USP6: variants seen among roughly 807,000 people sequenced by gnomAD.
The protein encoded by USP6 is ubiquitin carboxyl-terminal hydrolase 6.
Under a neutral mutation model 175.7 loss-of-function variants are expected in USP6, and 128 were observed. The ratio of observed to expected loss-of-function variants is 0.73; its 90% CI spans 0.63 to 0.84. USP6 has a LOEUF of 0.84. Among genes scored for constraint, USP6 ranks in the 40% least tolerant of loss-of-function variants. The pLI is 0.00. For synonymous variants in USP6, 562 were observed against 630.6 expected (o/e 0.89, Z 1.63); for missense variants, 1,498 against 1,760.3 (o/e 0.85, Z 2.67).
chr17:5,138,864 G>A (rs545546220), intron 21 of USP6: 152 of 674,334 alleles, frequency 2.3e-4, no homozygotes, highest in Non-Finnish European at 2.9e-4. Flanking sequence ...ACCCACGTCC[G>A]GGCCCAGTCA....
At chr17:5,130,321 G>A (rs372335722) in intron 9 of USP6, 46 bp from the exon 10 acceptor site, 41 of 1,604,466 alleles carry the variant, frequency 2.6e-5, no homozygotes, top group Non-Finnish European at 3.1e-5. Flanking sequence ...GGTGTTCTCC[G>A]AAGCTGTCGG....
intron 37 of USP6, among the ~76,000 whole-genome samples, chr17:5,171,973 G>A (rs1463187596): frequency 4.6e-5 from 7 of 151,868 alleles, no homozygotes; most frequent in Non-Finnish European, 2.9e-5. Context: ...TCAGGAGTTC[G>A]AGACCAGACT....
At chr17:5,168,672 T>C (rs369373513) in intron 34 of USP6, 95 bp from the exon 35 acceptor site, 3 of 1,435,642 alleles carry the variant, frequency 2.1e-6, no homozygotes, top group South Asian at 2.8e-5. Context: ...GTTATATATT[T>C]CCAAACATTC....
intron 33 of USP6, among the ~76,000 whole-genome samples, chr17:5,166,647 C>CT (rs972831045): frequency 3.9e-5 from 6 of 152,158 alleles, no homozygotes; most frequent in African/African-American, 1.4e-4. Context: ...TGTGTGAAGT[C>CT]TTAACGGTAG....
intron 31 of USP6, among the ~76,000 whole-genome samples, chr17:5,157,182 T>C (rs950297441): frequency 6.6e-6 from 1 of 151,966 alleles, no homozygotes; most frequent in Non-Finnish European, 1.5e-5. Flanking sequence ...ACCTCCCGGG[T>C]TCAAGTGATT....
At chr17:5,147,347 G>T (rs1166014588) in intron 29 of USP6, among the ~76,000 whole-genome samples, 153 bp downstream of exon 29, 4 of 152,070 alleles carry the variant, frequency 2.6e-5, no homozygotes, top group African/African-American at 9.7e-5. Flanking sequence ...ATATTTTTTC[G>T]ATGAGAAACC....
intron 22 of USP6, 84 bp downstream of exon 22, chr17:5,139,758 G>A (rs570613923): frequency 8.8e-6 from 14 of 1,596,294 alleles, no homozygotes; most frequent in South Asian, 5.5e-5. Context: ...GATTCCGACC[G>A]GGATACCTCC....
Position 5,132,351 on chromosome 17 carries a change from C to G in USP6, c.156-45C>G, listed in dbSNP as rs1351573394. 3.7e-6 allele frequency: 6 copies of G among 1,612,134 alleles called. No individual in the cohort carries two copies. The South Asian group carries it at 6.6e-5, about 18-fold the overall frequency. ...GGTCGGCTCCCAGGCTTGGGCGGCTCCAGGCCCTGTGCACGTCCTCAGCTC... is the reference window on the plus strand; with the variant it reads ...GGTCGGCTCCCAGGCTTGGGCGGCTGCAGGCCCTGTGCACGTCCTCAGCTC... On this transcript the variant is annotated intron_variant, in intron 11 of 37. Transcript: ENST00000574788. This position sits in a 1 kb window ranked among gnomAD's most constrained non-coding sequence, Gnocchi z 4.7.
intron 21 of USP6, among the ~76,000 whole-genome samples, chr17:5,138,593 G>A (rs1466103297): frequency 6.6e-6 from 1 of 151,998 alleles, no homozygotes; most frequent in East Asian, 1.9e-4. Flanking sequence ...ACCCATTTGT[G>A]GGAGACCCCG....
chr17:5,171,479 C>CTATT, intron 36 of USP6, 108 bp from the exon 37 acceptor site: 1 of 1,031,854 alleles, frequency 9.7e-7, no homozygotes, highest in South Asian at 2.4e-5. Flanking sequence ...ATTTTCTCAC[C>CTATT]TATTGATCAT....
In USP6 at chr17:5,137,678, TG is replaced by T. The variant is rs754205136; in HGVS notation, c.856del (p.Asp286ThrfsTer11). 5.6e-6 allele frequency: 9 copies of T among 1,607,302 alleles called. No homozygotes were observed. In the East Asian group the frequency reaches 2.0e-4, roughly 36 times the overall value. On this transcript the variant is annotated frameshift_variant, in exon 20 of 38. Coordinates refer to ENST00000574788, the MANE Select transcript of USP6 (RefSeq NM_001304284.2). LOFTEE classifies it high-confidence loss of function. ...CTCTCTCGGGCTCACCCTGCGCCTG[TG>T]GGACGTGTATTTGGTGGAAGGAGAA... ...GISLGLTLRL[W>X]DVYLVEGEQV...
intron 30 of USP6, among the ~76,000 whole-genome samples, chr17:5,150,295 A>AAAAAAAATAAAT (rs1555602129): frequency 7.2e-6 from 1 of 138,846 alleles, no homozygotes. Context: ...TCCGTCTAAA[A>AAAAAAAATAAAT]AAATAAATAA....
chr17:5,167,819 T>C, intron 33 of USP6, 113 bp from the exon 34 acceptor site: 1 of 1,306,510 alleles, frequency 7.7e-7, no homozygotes, highest in East Asian at 2.4e-5. Context: ...TATTTTCTTT[T>C]TCCTTATAAA....
chr17:5,153,823 T>G (rs2073825851), intron 30 of USP6, among the ~76,000 whole-genome samples: 1 of 152,006 alleles, frequency 6.6e-6, no homozygotes, highest in South Asian at 2.1e-4. Flanking sequence ...GCCCAGATAA[T>G]TTATGTATTT....
At position 5,132,565 on chromosome 17, in the gene USP6, C is replaced by T; in HGVS notation, c.195+130C>T. 2.6e-6 allele frequency: 4 copies of T among 1,525,684 alleles called. No homozygotes were observed. The highest frequency in any genetic ancestry group is 3.6e-6 in the Non-Finnish European group (4 of 1,101,880). The allele number at this position is 1,525,684 out of a possible 1,614,324, so 94.5% of individuals were successfully genotyped here. ...AACACGCTGTCACTGGGAGGGGCAG[C>T]AGAGACCTGACCCCAAGTTGCTGTA... On this transcript the variant is annotated intron_variant, in intron 12 of 37. Coordinates refer to ENST00000574788, the MANE Select transcript of USP6 (RefSeq NM_001304284.2). This position sits in a 1 kb window ranked among gnomAD's most constrained non-coding sequence, Gnocchi z 4.7.
intron 27 of USP6, 60 bp downstream of exon 27, chr17:5,145,639 C>G: frequency 2.0e-6 from 3 of 1,494,290 alleles, no homozygotes; most frequent in Non-Finnish European, 2.7e-6. Context: ...ATTTAAATAG[C>G]CTGAATTTGT....
chr17:5,143,966 A>G (rs1387696108), intron 25 of USP6, among the ~76,000 whole-genome samples: 2 of 152,180 alleles, frequency 1.3e-5, no homozygotes, highest in Non-Finnish European at 2.9e-5. Context: ...AATGAAACTA[A>G]TGAATATAAG....
chr17:5,138,095 T>C (rs201825354), intron 20 of USP6, 26 bp from the exon 21 acceptor site: 588 of 1,613,932 alleles, frequency 3.6e-4, no homozygotes, highest in Admixed American at 5.0e-4. Flanking sequence ...GGAACTCTCC[T>C]GGCCTGATAT....
intron 29 of USP6, among the ~76,000 whole-genome samples, chr17:5,148,136 C>CT (rs1219947701): frequency 3.9e-5 from 6 of 152,160 alleles, no homozygotes; most frequent in African/African-American, 1.4e-4. Context: ...CTTCAGCCCC[C>CT]TAAAGTGCTA....
Sources: gnomAD v4.1 joint callset for allele counts (sites outside exome capture counted in the v4.1 genomes callset) on GRCh38, gnomAD v4.1.1 for gene constraint, Gnocchi (gnomAD v3.1) non-coding constraint, MANE v1.5 for transcripts, NCBI Gene and HGNC (gene_info 2026-07-23, HGNC 2026-07-21) for gene names.